ASTN2: variants seen among roughly 807,000 people sequenced by gnomAD.
ASTN2 encodes astrotactin-2.
A neutral mutation model predicts 139.8 loss-of-function variants in ASTN2; 54 were observed. The ratio of observed to expected loss-of-function variants is 0.39; its 90% CI spans 0.31 to 0.48. ASTN2 has a LOEUF of 0.48. Among genes scored for constraint, ASTN2 ranks in the 20% least tolerant of loss-of-function variants. The pLI, the probability that ASTN2 is intolerant of heterozygous loss-of-function variation, is 0.95. For missense variants in ASTN2, 1,565 were observed against 1,725.1 expected (o/e 0.91, Z 1.64); for synonymous variants, 756 against 719.5 (o/e 1.05, Z -0.81).
Position 116,698,151 on chromosome 9 carries a change from C to T in ASTN2, c.2806+27620G>A, listed in dbSNP as rs200997003. ...TCAGCCTCCTGGCCACTGTACACTC[C>T]CTGTCAAAGAAGCAGCTGAGGAGCG... On this transcript the variant is annotated intron_variant, in intron 16 of 22. Coordinates refer to ENST00000313400, the MANE Select transcript of ASTN2 (RefSeq NM_001365068.1). This position sits in a 1 kb window ranked among gnomAD's most constrained non-coding sequence, Gnocchi z 4.4. 9.0e-5 allele frequency: 146 copies of T among 1,614,128 alleles called. No individual in the cohort carries two copies. The East Asian group carries it at 2.6e-3, about 29-fold the overall frequency.
intron 1 of ASTN2, among the ~76,000 whole-genome samples, chr9:117,298,479 T>A (rs1259016655): frequency 6.6e-6 from 1 of 151,996 alleles, no homozygotes; most frequent in Non-Finnish European, 1.5e-5. Flanking sequence ...ATCTACCAAA[T>A]GAGGATAATA....
At chr9:116,624,140 A>C (rs1162549293) in intron 17 of ASTN2, among the ~76,000 whole-genome samples, 2 of 152,220 alleles carry the variant, frequency 1.3e-5, no homozygotes, top group Non-Finnish European at 2.9e-5. Flanking sequence ...CAAGCTGGGC[A>C]ACAGGAGAAA....
intron 13 of ASTN2, among the ~76,000 whole-genome samples, chr9:116,735,537 G>C (rs956794332): frequency 9.2e-5 from 14 of 152,222 alleles, no homozygotes; most frequent in African/African-American, 3.4e-4. Flanking sequence ...GTGGAATCCT[G>C]TGCTGGGTGG....
chr9:116,629,284 A>G (rs142635135), intron 17 of ASTN2, among the ~76,000 whole-genome samples: 1 of 151,880 alleles, frequency 6.6e-6, no homozygotes, highest in Non-Finnish European at 1.5e-5. Flanking sequence ...TGCCCGGCTA[A>G]TTTTTTGCAT....
At chr9:117,235,639 T>G (rs1363163507) in intron 2 of ASTN2, among the ~76,000 whole-genome samples, 1 of 152,242 alleles carries the variant, frequency 6.6e-6, no homozygotes, top group African/African-American at 2.4e-5. Context: ...GTACCTCATT[T>G]GAGCAGCTCT....
chr9:117,411,168 A>C (rs766370366), intron 1 of ASTN2, among the ~76,000 whole-genome samples: 1 of 152,194 alleles, frequency 6.6e-6, no homozygotes, highest in African/African-American at 2.4e-5. Context: ...AATGGGAGTA[A>C]CAGTAGAGCC....
At chr9:116,694,530 G>A (rs577805788) in intron 16 of ASTN2, among the ~76,000 whole-genome samples, 21 of 136,932 alleles carry the variant, frequency 1.5e-4, no homozygotes, top group Non-Finnish European at 2.6e-4. Flanking sequence ...GGCGCGTCTC[G>A]GCTCACTGCA....
chr9:117,186,368 A>C (rs1831198351), intron 3 of ASTN2, among the ~76,000 whole-genome samples: 1 of 134,684 alleles, frequency 7.4e-6, no homozygotes, highest in Non-Finnish European at 1.6e-5. Flanking sequence ...AACACGGTGA[A>C]AACCCGTCTC....
intron 19 of ASTN2, chr9:116,584,286 C>T (rs2131718877): frequency 6.6e-6 from 1 of 151,998 alleles, no homozygotes; most frequent in Non-Finnish European, 1.5e-5. Context: ...TTAGGAGGAC[C>T]ATGGGGGTGA....
rs545192590 is a variant in ASTN2 at position 116,904,210 on chromosome 9, G to A, written c.1890-40477C>T. ...CTACCACAGGGCCTGGCATACATAC[G>A]GTAGAAATTGAGCAGCTCTGGGAAG... On this transcript the variant is annotated intron_variant, in intron 10 of 22. Transcript: ENST00000313400. Among the ~76,000 whole-genome samples, 15 of 152,256 alleles carry A rather than the reference G, an allele frequency of 9.9e-5. 1 individual carries two copies. The highest frequency in any genetic ancestry group is 3.1e-4 in the African/African-American group (13 of 41,552).
chr9:116,789,209 G>C (rs1830462799), intron 13 of ASTN2, among the ~76,000 whole-genome samples: 1 of 152,062 alleles, frequency 6.6e-6, no homozygotes, highest in Non-Finnish European at 1.5e-5. Flanking sequence ...TCCTACACTA[G>C]AAAGCATCAA....
chr9:117,414,648 T>A lies in ASTN2; in HGVS notation c.291A>T (p.Gly97=). ...RAGAGAGTGA[G]AAAAAASPGS... ...CCGGGGACGCGGCGGCGGCGGCGGC[T>A]CCGGCCCCGGTCCCAGCCCCGGCCC... The change falls in exon 1 of 23, where the codon GGA becomes GGT. Residue 97 remains glycine (G), a synonymous_variant. Coordinates refer to ENST00000313400, the MANE Select transcript of ASTN2 (RefSeq NM_001365068.1). This position sits in a 1 kb window ranked among gnomAD's most constrained non-coding sequence, Gnocchi z 4.2. 7.3e-7 allele frequency: 1 copy of A among 1,362,570 alleles called. No homozygotes were observed. The highest frequency in any genetic ancestry group is 9.4e-7 in the Non-Finnish European group (1 of 1,064,920). 84.4% of individuals were successfully genotyped at this position (1,362,570 alleles called of 1,614,324 possible). A position where few individuals can be genotyped will look rare whatever the true frequency, so the allele number is the denominator to read the frequency against.
intron 1 of ASTN2, among the ~76,000 whole-genome samples, chr9:117,391,121 G>C (rs1254215259): frequency 6.6e-6 from 1 of 152,144 alleles, no homozygotes; most frequent in Admixed American, 6.5e-5. Flanking sequence ...TGGAGGATAG[G>C]GAACCCTAGG....
chr9:117,015,420 A>G (rs772062702), intron 6 of ASTN2, among the ~76,000 whole-genome samples: 10 of 152,208 alleles, frequency 6.6e-5, no homozygotes, highest in Non-Finnish European at 1.2e-4. Flanking sequence ...TTCTCAGAAT[A>G]AAGCTTTCAA....
chr9:116,453,240 AG>A (rs1848224301), intron 20 of ASTN2, among the ~76,000 whole-genome samples: 1 of 152,116 alleles, frequency 6.6e-6, no homozygotes, highest in Non-Finnish European at 1.5e-5. Flanking sequence ...CATCTCTGAG[AG>A]TCTTAGTTTT....
intron 19 of ASTN2, among the ~76,000 whole-genome samples, chr9:116,603,369 T>C (rs1855011945): frequency 6.6e-6 from 1 of 152,146 alleles, no homozygotes; most frequent in African/African-American, 2.4e-5. Flanking sequence ...CTGATGGCTT[T>C]TTATGGAACA....
At chr9:116,838,186 T>A (rs1262275416) in intron 11 of ASTN2, among the ~76,000 whole-genome samples, 1 of 148,748 alleles carries the variant, frequency 6.7e-6, no homozygotes, top group Non-Finnish European at 1.5e-5. Flanking sequence ...CTCGGCTCAC[T>A]ACAAGCTCTG....
chr9:117,205,478 G>C (rs1240190289), intron 3 of ASTN2, among the ~76,000 whole-genome samples: 1 of 152,052 alleles, frequency 6.6e-6, no homozygotes, highest in Non-Finnish European at 1.5e-5. Context: ...ATAAGTAAAT[G>C]GGACAAGATT....
chr9:116,720,993 A>C (rs902298355), intron 16 of ASTN2, among the ~76,000 whole-genome samples: 5 of 152,100 alleles, frequency 3.3e-5, no homozygotes, highest in African/African-American at 1.2e-4. Context: ...GCCCACACAC[A>C]TGTGTGCCTT....
Sources: gnomAD v4.1 joint callset for allele counts (sites outside exome capture counted in the v4.1 genomes callset) on GRCh38, gnomAD v4.1.1 for gene constraint, Gnocchi (gnomAD v3.1) non-coding constraint, MANE v1.5 for transcripts, NCBI Gene and HGNC (gene_info 2026-07-23, HGNC 2026-07-21) for gene names.